Variants in NCAM1 observed in about 807,000 individuals in gnomAD.
NCAM1 encodes the protein neural cell adhesion molecule 1.
Under a neutral mutation model 109.8 loss-of-function variants are expected in NCAM1, and 14 were observed. That is an observed-to-expected ratio of 0.13 (90% CI 0.08 to 0.20). The LOEUF is 0.20. Among genes scored for constraint, NCAM1 ranks in the 10% least tolerant of loss-of-function variants. The pLI, the probability that NCAM1 is intolerant of heterozygous loss-of-function variation, is 1.00. For missense variants in NCAM1, 774 were observed against 1,109.9 expected (o/e 0.70, Z 4.30); for synonymous variants, 418 against 442.9 (o/e 0.94, Z 0.70).
chr11:113,011,950 C>G (rs1231639353), intron 1 of NCAM1, among the ~76,000 whole-genome samples: 1 of 147,742 alleles, frequency 6.8e-6, no homozygotes, highest in Non-Finnish European at 1.5e-5. Flanking sequence ...TCCTTCTCTC[C>G]TCTCCTTCTC....
At chr11:113,271,313 C>A (rs1281109032) in intron 18 of NCAM1, among the ~76,000 whole-genome samples, 1 of 120,310 alleles carries the variant, frequency 8.3e-6, no homozygotes, top group Admixed American at 1.2e-4. Flanking sequence ...GAGGTTGCAA[C>A]GAACCAAGAT....
chr11:113,263,102 C>A, intron 17 of NCAM1: 2 of 1,332,830 alleles, frequency 1.5e-6, no homozygotes, highest in Non-Finnish European at 1.9e-6. Context: ...TGTCACCACT[C>A]ACAGATACTT....
At chr11:113,004,761 A>G (rs11214452) in intron 1 of NCAM1, among the ~76,000 whole-genome samples, 1,523 of 149,452 alleles carry the variant, frequency 0.01, 23 homozygotes, top group African/African-American at 0.035. Context: ...ACTCAATGGG[A>G]TTTTTGCAGT....
chr11:113,204,558 A>G (rs1555112527), intron 3 of NCAM1, 54 bp downstream of exon 3: 1 of 1,533,718 alleles, frequency 6.5e-7, no homozygotes, highest in African/African-American at 1.4e-5. Flanking sequence ...CCAAGGAGAC[A>G]TGTGGGTAGT....
chr11:113,126,711 T>C (rs2574828), intron 1 of NCAM1, among the ~76,000 whole-genome samples: 11,017 of 152,244 alleles, frequency 0.072, 881 homozygotes, highest in African/African-American at 0.19. Context: ...AAAAGAAACA[T>C]TGTTACTTTT....
chr11:112,968,790 G>A (rs1950794132), intron 1 of NCAM1, among the ~76,000 whole-genome samples: 1 of 152,186 alleles, frequency 6.6e-6, no homozygotes, highest in Non-Finnish European at 1.5e-5. Context: ...TGTGAAATAG[G>A]AAGAACAGAT....
intron 1 of NCAM1, among the ~76,000 whole-genome samples, chr11:113,017,280 T>G (rs529742757): frequency 6.6e-6 from 1 of 152,296 alleles, no homozygotes; most frequent in South Asian, 2.1e-4. Context: ...AAACAGTTAT[T>G]ATACAATACA....
intron 1 of NCAM1, among the ~76,000 whole-genome samples, chr11:113,060,470 A>G (rs781827732): frequency 2.0e-4 from 30 of 152,208 alleles, no homozygotes; most frequent in Non-Finnish European, 4.4e-4. Context: ...TTTCTTTTAA[A>G]TATTTTATGT....
At chr11:113,139,418 C>CT (rs111460129) in intron 1 of NCAM1, among the ~76,000 whole-genome samples, 5,754 of 148,010 alleles carry the variant, frequency 0.039, 243 homozygotes, top group African/African-American at 0.11. Flanking sequence ...CACATGAAGT[C>CT]TTTTTTTTTT....
intron 9 of NCAM1, among the ~76,000 whole-genome samples, chr11:113,228,598 G>A (rs1944915301): frequency 6.6e-6 from 1 of 152,140 alleles, no homozygotes; most frequent in Middle Eastern, 3.4e-3. Flanking sequence ...AGTTCATATG[G>A]AACCAAAAAA....
At chr11:113,011,783 A>G (rs376746525) in intron 1 of NCAM1, among the ~76,000 whole-genome samples, 4 of 152,210 alleles carry the variant, frequency 2.6e-5, no homozygotes, top group South Asian at 2.1e-4. Flanking sequence ...GCTTATGCTC[A>G]TCAACACTGT....
At chr11:113,044,745 C>CT (rs1392369602) in intron 1 of NCAM1, among the ~76,000 whole-genome samples, 6 of 151,224 alleles carry the variant, frequency 4.0e-5, no homozygotes, top group Admixed American at 1.3e-4. Context: ...AGCTTGTGAG[C>CT]TTTTTTTACT....
At chr11:113,070,973 A>G (rs1938235716) in intron 1 of NCAM1, among the ~76,000 whole-genome samples, 1 of 152,154 alleles carries the variant, frequency 6.6e-6, no homozygotes, top group Non-Finnish European at 1.5e-5. Context: ...AGCATGTGGC[A>G]AGCCCTGTGC....
intron 1 of NCAM1, among the ~76,000 whole-genome samples, chr11:112,987,520 A>G (rs571310319): frequency 1.4e-4 from 22 of 152,240 alleles, no homozygotes; most frequent in African/African-American, 4.6e-4. Context: ...ATTGCCTTCT[A>G]TATTTCCCTT....
At chr11:113,103,981 C>CA (rs1940006267) in intron 1 of NCAM1, among the ~76,000 whole-genome samples, 1 of 151,948 alleles carries the variant, frequency 6.6e-6, no homozygotes, top group African/African-American at 2.4e-5. Context: ...CAGGGCCTTA[C>CA]AAAAACAGGC....
chr11:113,192,722 G>A (rs1028275561), intron 1 of NCAM1, among the ~76,000 whole-genome samples: 4 of 152,210 alleles, frequency 2.6e-5, no homozygotes, highest in Admixed American at 2.0e-4. Flanking sequence ...CCTGGGTCAA[G>A]TGTCAGGACA....
intron 1 of NCAM1, among the ~76,000 whole-genome samples, chr11:113,088,074 A>G (rs568715029): frequency 6.6e-6 from 1 of 152,314 alleles, no homozygotes; most frequent in South Asian, 2.1e-4. Context: ...AACAAAACAA[A>G]TGGTTCTGGA....
At chr11:112,988,780 A>ATTTTTTTTTTT in intron 1 of NCAM1, among the ~76,000 whole-genome samples, 1 of 126,114 alleles carries the variant, frequency 7.9e-6, no homozygotes, top group Non-Finnish European at 1.6e-5. Flanking sequence ...ATGGATTCTC[A>ATTTTTTTTTTT]CTCTGTTGCC....
chr11:113,107,372 A>AGG (rs1940219476), intron 1 of NCAM1, among the ~76,000 whole-genome samples: 1 of 152,204 alleles, frequency 6.6e-6, no homozygotes, highest in Admixed American at 6.5e-5. Flanking sequence ...TTTTCGAGTA[A>AGG]GTATTCCATA....
Sources: allele counts gnomAD v4.1 joint callset (sites outside exome capture counted in the v4.1 genomes callset), GRCh38; gene constraint gnomAD v4.1.1; transcripts MANE v1.5; gene names NCBI Gene and HGNC (gene_info 2026-07-23, HGNC 2026-07-21).